The following CGNL1 variants were observed in gnomAD, a reference collection of about 807,000 sequenced individuals.
CGNL1 encodes cingulin like 1.
CGNL1 carries 132 observed loss-of-function variants against 141.2 expected under a neutral mutation model. That is an observed-to-expected ratio of 0.93 (90% CI 0.81 to 1.08). The LOEUF is 1.08. Among genes scored for constraint, CGNL1 ranks in the 50% least tolerant of loss-of-function variants. CGNL1 has a pLI of 0.00. For synonymous variants in CGNL1, 690 were observed against 622.1 expected (o/e 1.11, Z -1.63); for missense variants, 1,870 against 1,588.6 (o/e 1.18, Z -3.01).
chr15:57,522,539 G>A lies in CGNL1; in HGVS notation c.2716-950G>A, dbSNP rs188116159. Among the ~76,000 whole-genome samples the A allele has an allele frequency of 8.3e-4, 127 of 152,296 alleles. 1 individual carries two copies. Among genetic ancestry groups the A allele is most frequent in the East Asian group, 5.8e-4 (3 of 5,174 alleles). On this transcript the variant is annotated intron_variant, in intron 10 of 18. Coordinates refer to ENST00000281282, the MANE Select transcript of CGNL1 (RefSeq NM_032866.5). Reference sequence around the variant, plus strand: ...CAGTCAGCCCTCGGTGCCTGACAACGTTTTCGAGATGATCCAGTCTGTGTT... The same window carrying A: ...CAGTCAGCCCTCGGTGCCTGACAACATTTTCGAGATGATCCAGTCTGTGTT...
chr15:57,482,362 A>G (rs1424469057), intron 8 of CGNL1, among the ~76,000 whole-genome samples: 1 of 152,132 alleles, frequency 6.6e-6, no homozygotes, highest in Non-Finnish European at 1.5e-5. Context: ...TTATTTTCCT[A>G]CCTTAGATCC....
chr15:57,518,642 A>C (rs187385381), intron 10 of CGNL1, 145 bp downstream of exon 10: 15 of 639,150 alleles, frequency 2.3e-5, no homozygotes, highest in Non-Finnish European at 3.9e-5. Context: ...TATTTGAACT[A>C]TCCGTCTAGA....
At chr15:57,395,137 C>A (rs2062588834) in intron 1 of CGNL1, among the ~76,000 whole-genome samples, 2 of 152,062 alleles carry the variant, frequency 1.3e-5, no homozygotes, top group Non-Finnish European at 2.9e-5. Context: ...AAAAACCCCA[C>A]CAAACCAAAA....
At chr15:57,502,841 T>C (rs902421477) in intron 8 of CGNL1, among the ~76,000 whole-genome samples, 1 of 152,184 alleles carries the variant, frequency 6.6e-6, no homozygotes, top group East Asian at 1.9e-4. Context: ...TGACATTTTA[T>C]AGTCATGGAA....
chr15:57,414,661 A>AAACAACAACAACAACAACAAC (rs10527352), intron 1 of CGNL1, among the ~76,000 whole-genome samples: 1 of 151,240 alleles, frequency 6.6e-6, no homozygotes, highest in East Asian at 1.9e-4. Flanking sequence ...TTTAAAACCA[A>AAACAACAACAACAACAACAAC]AACAACAACA....
chr15:57,544,794 G>T (rs539539089), intron 16 of CGNL1, among the ~76,000 whole-genome samples, 197 bp downstream of exon 16: 1 of 152,312 alleles, frequency 6.6e-6, no homozygotes, highest in South Asian at 2.1e-4. Flanking sequence ...ACTTGAGTAA[G>T]GTAGCCTGGC....
intron 8 of CGNL1, among the ~76,000 whole-genome samples, chr15:57,504,307 G>A (rs866626967): frequency 3.1e-4 from 47 of 152,266 alleles, no homozygotes; most frequent in Middle Eastern, 3.4e-3. Context: ...GGTAGTTGAC[G>A]GGCTCAGAGT....
chr15:57,482,792 T>C (rs4774946), intron 8 of CGNL1, among the ~76,000 whole-genome samples: 25,863 of 151,744 alleles, frequency 0.17, 2,229 homozygotes, highest in Admixed American at 0.21. Flanking sequence ...TTTCTCTCTT[T>C]TTTTTTTTTG....
chr15:57,405,802 CTTTCTTTCCTTCT>C (rs2062712090), intron 1 of CGNL1, among the ~76,000 whole-genome samples: 9 of 120,618 alleles, frequency 7.5e-5, no homozygotes, highest in South Asian at 5.4e-4. Context: ...TTCTTTCTTT[CTTTCTTTCCTTCT>C]TTCTTTCTTT....
intron 8 of CGNL1, among the ~76,000 whole-genome samples, chr15:57,472,559 A>T (rs1383707113): frequency 6.6e-6 from 1 of 152,178 alleles, no homozygotes; most frequent in Admixed American, 6.5e-5. Context: ...TGATTCGTTC[A>T]TGCTGACACT....
intron 8 of CGNL1, among the ~76,000 whole-genome samples, chr15:57,513,560 G>A (rs143762938): frequency 0.011 from 1,695 of 151,862 alleles, 33 homozygotes; most frequent in African/African-American, 0.039. Context: ...CACTCTTGTC[G>A]CCCAGCCTGG....
intron 14 of CGNL1, among the ~76,000 whole-genome samples, chr15:57,533,519 G>A (rs1312786270): frequency 6.6e-6 from 1 of 152,162 alleles, no homozygotes; most frequent in Non-Finnish European, 1.5e-5. Flanking sequence ...GATTTGTTTT[G>A]CCAGCGCTTC....
At chr15:57,533,944 C>T (rs950810220) in intron 14 of CGNL1, among the ~76,000 whole-genome samples, 3 of 152,210 alleles carry the variant, frequency 2.0e-5, no homozygotes, top group Non-Finnish European at 4.4e-5. Flanking sequence ...GGCTGGCAGT[C>T]CCAGTCCTGG....
rs78706606 is a variant in CGNL1 at position 57,450,653 on chromosome 15, T to G, written c.1804-847T>G. Among the ~76,000 whole-genome samples, 1,157 of 152,338 alleles carry G rather than the reference T, an allele frequency of 7.6e-3. 18 individuals are homozygous for G. Among genetic ancestry groups the G allele is most frequent in the African/African-American group, 0.024 (1,009 of 41,572 alleles). The stretch of plus-strand genomic sequence containing the variant: ...ATTTTATTGTGCTGTGGTTTGGAAA[T>G]GGAGTCATGGAGAACCCAGGGTGAA... On this transcript the variant is annotated intron_variant, in intron 4 of 18. Coordinates refer to ENST00000281282, the MANE Select transcript of CGNL1 (RefSeq NM_032866.5).
intron 1 of CGNL1, among the ~76,000 whole-genome samples, chr15:57,427,028 G>C (rs754714945): frequency 2.0e-5 from 3 of 152,138 alleles, no homozygotes; most frequent in Non-Finnish European, 4.4e-5. Flanking sequence ...GCAAGTACCT[G>C]AGGGGCTGGT....
chr15:57,409,000 C>G (rs141686333), intron 1 of CGNL1, among the ~76,000 whole-genome samples: 186 of 151,066 alleles, frequency 1.2e-3, no homozygotes, highest in African/African-American at 4.3e-3. Context: ...GAAATGGCAC[C>G]ACTGCACTCC....
At chr15:57,384,540 C>T (rs1567613) in intron 1 of CGNL1, among the ~76,000 whole-genome samples, 41,712 of 151,922 alleles carry the variant, frequency 0.27, 6,999 homozygotes, top group East Asian at 0.56. Flanking sequence ...GCTGCACCTG[C>T]TCTTCATTCA....
Position 57,544,480 on chromosome 15 carries a change from A to G in CGNL1, c.3383A>G (p.Asp1128Gly). The change falls in exon 16 of 19, where the codon GAC (aspartate) becomes GGC (glycine). Residue 1128 changes from aspartate (D) to glycine (G), a missense_variant. Asp to Gly is a moderately conservative substitution (Grantham distance 94). Coordinates refer to ENST00000281282, the MANE Select transcript of CGNL1 (RefSeq NM_032866.5). Reference protein sequence around the residue: ...DKISLERQNKDLKSRIIHLEG... With the variant: ...DKISLERQNKGLKSRIIHLEG... The stretch of plus-strand genomic sequence containing the variant: ...CTCCCTGTGTTGTTCCAGAACAAGG[A>G]CTTAAAGAGCCGGATTATCCACCTG... 1 of 1,614,106 alleles carries G rather than the reference A, an allele frequency of 6.2e-7. No individual in the cohort carries two copies. Among genetic ancestry groups the G allele is most frequent in the South Asian group, 1.1e-5 (1 of 91,036 alleles).
At chr15:57,409,663 C>T (rs1325080434) in intron 1 of CGNL1, among the ~76,000 whole-genome samples, 9 of 152,020 alleles carry the variant, frequency 5.9e-5, no homozygotes, top group East Asian at 1.9e-4. Flanking sequence ...TTGCAGGTCC[C>T]GAGAGGGCGT....
Sources: gnomAD v4.1 joint callset for allele counts (sites outside exome capture counted in the v4.1 genomes callset) on GRCh38, gnomAD v4.1.1 for gene constraint, MANE v1.5 for transcripts, NCBI Gene and HGNC (gene_info 2026-07-23, HGNC 2026-07-21) for gene names.